Variants in SUMF1 observed in about 807,000 individuals in gnomAD.
The protein encoded by SUMF1 is sulfatase modifying factor 1, also known as formylglycine-generating enzyme.
Under a neutral mutation model 47.6 loss-of-function variants are expected in SUMF1, and 48 were observed. The observed-to-expected ratio is 1.01, with a 90% CI of 0.80 to 1.28. The LOEUF is 1.28. Ranked by LOEUF, SUMF1 falls within the 50% of genes most tolerant of loss-of-function variation. The pLI, the probability that SUMF1 is intolerant of heterozygous loss-of-function variation, is 0.00. For synonymous variants in SUMF1, 230 were observed against 192.1 expected, an observed-to-expected ratio of 1.20 and a Z score of -1.63; for missense variants, 571 against 485.4, an observed-to-expected ratio of 1.18 and a Z score of -1.66.
rs529645295 is a variant in SUMF1, at chr3:4,137,879, G to T, written c.1015-69134C>A. On this transcript the variant is annotated intron_variant and NMD_transcript_variant, in intron 8 of 12. Transcript: ENST00000448413. ...AGAAGTACAACCATCTCTATTTGCA[G>T]ATGAGATAATCTTGCATATAGTAAA... is the stretch of plus-strand genomic sequence containing the variant. Among the ~76,000 whole-genome samples the T allele has an allele frequency of 2.6e-5, 4 of 151,226 alleles. No individual in the cohort carries two copies. The East Asian group carries it at 7.8e-4, about 29-fold the overall frequency.
intron 8 of SUMF1, among the ~76,000 whole-genome samples, chr3:4,364,234 C>A (rs1185004329): frequency 1.6e-5 from 2 of 127,438 alleles, no homozygotes; most frequent in South Asian, 2.7e-4. Flanking sequence ...TGATGCTGGC[C>A]TCATCAAATG....
At chr3:4,269,177 AT>A (rs1361318727) in intron 8 of SUMF1, among the ~76,000 whole-genome samples, 6 of 151,902 alleles carry the variant, frequency 3.9e-5, no homozygotes, top group Admixed American at 2.6e-4. Context: ...ACACAGAATC[AT>A]TTTTTTATTA....
intron 8 of SUMF1, among the ~76,000 whole-genome samples, chr3:4,242,770 G>C (rs536591556): frequency 2.1e-3 from 320 of 152,266 alleles, no homozygotes; most frequent in African/African-American, 6.9e-3. Context: ...TTTGGGATCA[G>C]GATGATGTTG....
rs1456598498 is a variant in SUMF1 at position 4,066,786 on chromosome 3, C to A, written c.1191+1783G>T. On this transcript the variant is annotated intron_variant and NMD_transcript_variant, in intron 9 of 12. Coordinates refer to the SUMF1 transcript ENST00000448413. ...ACTCATTGTTTCAGTGATTGGCTTT[C>A]TGAGCAGTCAATGACAGGACCTAGA... Among the ~76,000 whole-genome samples the A allele has an allele frequency of 2.0e-5, 3 of 152,140 alleles. No individual in the cohort carries two copies. In the East Asian group the frequency reaches 5.8e-4, roughly 29 times the overall value.
intron 8 of SUMF1, among the ~76,000 whole-genome samples, chr3:4,100,835 T>C (rs768323448): frequency 2.0e-5 from 3 of 151,764 alleles, no homozygotes; most frequent in African/African-American, 2.4e-5. Context: ...ATTTAAAAAA[T>C]GGACAAAGAA....
intron 3 of SUMF1, among the ~76,000 whole-genome samples, chr3:4,423,681 C>T (rs1258027041): frequency 6.6e-6 from 1 of 151,918 alleles, no homozygotes; most frequent in Admixed American, 6.6e-5. Context: ...TATATTTATC[C>T]CCACTCAAAT....
At chr3:4,346,748 G>T (rs1182440450) in intron 8 of SUMF1, among the ~76,000 whole-genome samples, 3 of 151,876 alleles carry the variant, frequency 2.0e-5, no homozygotes, top group African/African-American at 7.3e-5. Context: ...CCATGAGCTG[G>T]TTTTTTGAAA....
At chr3:4,315,694 T>A (rs1456714252) in intron 8 of SUMF1, among the ~76,000 whole-genome samples, 2 of 152,160 alleles carry the variant, frequency 1.3e-5, no homozygotes, top group Non-Finnish European at 2.9e-5. Flanking sequence ...AAAAATATAC[T>A]TCCACTTGAC....
In SUMF1 at chr3:4,050,294, C is replaced by T. The variant is rs115924221; in HGVS notation, c.1191+18275G>A. 2.6e-3 allele frequency among the ~76,000 whole-genome samples: 389 copies of T among 150,262 alleles called. 2 individuals are homozygous for T. Among genetic ancestry groups the T allele is most frequent in the African/African-American group, 8.6e-3 (352 of 40,902 alleles). On this transcript the variant is annotated intron_variant and NMD_transcript_variant, in intron 9 of 12. Coordinates refer to the SUMF1 transcript ENST00000448413. Reference sequence around the variant, plus strand: ...TCCATTTAGAACCTGACCTACTTTCCGAAAAAAAAAATACATCTCCAAGGC... The same window carrying T: ...TCCATTTAGAACCTGACCTACTTTCTGAAAAAAAAAATACATCTCCAAGGC...
At chr3:4,257,860 T>C (rs1031508327) in intron 8 of SUMF1, among the ~76,000 whole-genome samples, 1 of 151,352 alleles carries the variant, frequency 6.6e-6, no homozygotes, top group Non-Finnish European at 1.5e-5. Flanking sequence ...GACTTCAAAC[T>C]ATACTACAAG....
chr3:4,106,067 C>T (rs1693150663), intron 8 of SUMF1, among the ~76,000 whole-genome samples: 1 of 151,750 alleles, frequency 6.6e-6, no homozygotes, highest in African/African-American at 2.4e-5. Context: ...TTTATCTGTT[C>T]CTCTACCAAC....
chr3:4,289,504 A>C (rs2125053335), intron 8 of SUMF1, among the ~76,000 whole-genome samples: 1 of 152,298 alleles, frequency 6.6e-6, no homozygotes, highest in South Asian at 2.1e-4. Context: ...GAGACCTAAA[A>C]TAAGATAGGA....
intron 1 of SUMF1, 25 bp downstream of exon 1, chr3:4,466,951 C>G: frequency 6.2e-7 from 1 of 1,603,902 alleles, no homozygotes; most frequent in Non-Finnish European, 8.5e-7. Context: ...AGCCCCCACC[C>G]GCCTCGGAGG....
intron 8 of SUMF1, among the ~76,000 whole-genome samples, chr3:4,139,593 C>A (rs2125095167): frequency 7.5e-6 from 1 of 133,236 alleles, no homozygotes; most frequent in Non-Finnish European, 1.7e-5. Flanking sequence ...TATATATACA[C>A]ACACACACAC....
intron 8 of SUMF1, among the ~76,000 whole-genome samples, chr3:4,365,774 G>A (rs374619736): frequency 2.0e-5 from 3 of 150,072 alleles, no homozygotes; most frequent in Non-Finnish European, 3.0e-5. Context: ...GTTAGCTGGT[G>A]ATTTTGCTCG....
Position 4,123,667 on chromosome 3 carries a change from C to G in SUMF1, c.1015-54922G>C, listed in dbSNP as rs564713064. Among the ~76,000 whole-genome samples the G allele has an allele frequency of 3.3e-5, 5 of 152,224 alleles. No individual in the cohort carries two copies. The South Asian group carries it at 1.0e-3, about 32-fold the overall frequency. On this transcript the variant is annotated intron_variant and NMD_transcript_variant, in intron 8 of 12. Coordinates refer to the SUMF1 transcript ENST00000448413. The stretch of plus-strand genomic sequence containing the variant: ...ACAGTAGAGAGAAAAGACCCCTGAC[C>G]TAGGAATTATGAGACCATTGTTCTG...
intron 8 of SUMF1, among the ~76,000 whole-genome samples, chr3:4,229,979 C>T (rs1024144255): frequency 1.3e-5 from 2 of 151,830 alleles, no homozygotes; most frequent in African/African-American, 4.8e-5. Context: ...CTCCATTGCA[C>T]TCCAGCTTGG....
At chr3:4,067,018 C>G (rs1695394427) in intron 9 of SUMF1, among the ~76,000 whole-genome samples, 1 of 152,112 alleles carries the variant, frequency 6.6e-6, no homozygotes, top group Non-Finnish European at 1.5e-5. Context: ...AGGGGATAAC[C>G]TCATTATCCC....
At chr3:4,055,290 C>G (rs1428904542) in intron 9 of SUMF1, among the ~76,000 whole-genome samples, 2 of 151,958 alleles carry the variant, frequency 1.3e-5, no homozygotes, top group African/African-American at 2.4e-5. Flanking sequence ...TGTTAGCTAG[C>G]CTTTATTAAG....
Sources: allele counts gnomAD v4.1 joint callset (sites outside exome capture counted in the v4.1 genomes callset), GRCh38; gene constraint gnomAD v4.1.1; transcripts MANE v1.5; gene names NCBI Gene and HGNC (gene_info 2026-07-23, HGNC 2026-07-21).